CCDC178: variants seen among roughly 807,000 people sequenced by gnomAD.
CCDC178 encodes coiled-coil domain-containing protein 178.
A neutral mutation model predicts 117.4 loss-of-function variants in CCDC178; 126 were observed. That is an observed-to-expected ratio of 1.07 (90% CI 0.93 to 1.24). CCDC178 has a LOEUF of 1.24. Among genes scored for constraint, CCDC178 ranks in the 50% most tolerant of loss-of-function variants. The pLI is 0.00. For synonymous variants in CCDC178, 283 were observed against 313.4 expected (o/e 0.90, Z 1.02); for missense variants, 1,030 against 986.9 (o/e 1.04, Z -0.59).
At chr18:33,042,778 T>C (rs2056572942) in intron 21 of CCDC178, among the ~76,000 whole-genome samples, 1 of 151,982 alleles carries the variant, frequency 6.6e-6, no homozygotes, top group Admixed American at 6.6e-5. Flanking sequence ...AAAATATTAC[T>C]AATTTTTGAA....
chr18:33,147,428 G>T (rs1598931625), intron 20 of CCDC178, among the ~76,000 whole-genome samples: 1 of 146,918 alleles, frequency 6.8e-6, no homozygotes, highest in East Asian at 2.0e-4. Context: ...GGGGGATTTG[G>T]CAGGGTCATA....
chr18:33,021,372 T>A lies in CCDC178; in HGVS notation c.2389-46691A>T, dbSNP rs142661692. Reference sequence around the variant, plus strand: ...TTTCATTGTTACTGACTCTTTCAGCTCCATATACAAATACTTGAGACTGCA... The same window carrying A: ...TTTCATTGTTACTGACTCTTTCAGCACCATATACAAATACTTGAGACTGCA... On this transcript the variant is annotated intron_variant, in intron 21 of 22. Transcript: ENST00000383096. Among the ~76,000 whole-genome samples, 477 of 152,258 alleles carry A rather than the reference T, an allele frequency of 3.1e-3. 5 individuals are homozygous for A. Among genetic ancestry groups the A allele is most frequent in the African/African-American group, 0.011 (448 of 41,550 alleles).
At chr18:33,311,922 C>T (rs2062349205) in intron 11 of CCDC178, among the ~76,000 whole-genome samples, 1 of 152,164 alleles carries the variant, frequency 6.6e-6, no homozygotes, top group Non-Finnish European at 1.5e-5. Flanking sequence ...AGACAAAAGA[C>T]AGCACCTTTA....
chr18:33,322,050 G>C lies in CCDC178; in HGVS notation c.1022+1441C>G, dbSNP rs145403484. On this transcript the variant is annotated intron_variant, in intron 11 of 22. Transcript: ENST00000383096. ...AAAGGTCAATTCCTAATGATAAGGA[G>C]GTTAATTGGTATCCCAGGAGGATAT... 9.9e-5 allele frequency among the ~76,000 whole-genome samples: 15 copies of C among 151,924 alleles called. No homozygotes were observed. The East Asian group carries it at 2.7e-3, about 27-fold the overall frequency.
chr18:33,354,031 T>C (rs927170546), intron 7 of CCDC178, among the ~76,000 whole-genome samples: 3 of 152,314 alleles, frequency 2.0e-5, no homozygotes, highest in Middle Eastern at 3.4e-3. Flanking sequence ...TCCTTTATTT[T>C]TGAGGATACT....
At chr18:33,253,106 T>C (rs1377131654) in intron 14 of CCDC178, among the ~76,000 whole-genome samples, 5 of 151,830 alleles carry the variant, frequency 3.3e-5, no homozygotes, top group Admixed American at 3.3e-4. Flanking sequence ...TTCTAATGGA[T>C]GCTCATTGGT....
chr18:33,035,734 A>G (rs1307536148), intron 21 of CCDC178, among the ~76,000 whole-genome samples: 3 of 151,992 alleles, frequency 2.0e-5, no homozygotes, highest in African/African-American at 4.8e-5. Context: ...TGATTGTGGT[A>G]ATCATTACAT....
chr18:33,323,368 TATGA>T (rs1278343279), intron 11 of CCDC178, 119 bp downstream of exon 11: 2 of 485,950 alleles, frequency 4.1e-6, no homozygotes, highest in African/African-American at 4.0e-5. Context: ...ATAAGACAGG[TATGA>T]ATAATTTAAA....
At chr18:33,164,243 G>A (rs540875600) in intron 20 of CCDC178, among the ~76,000 whole-genome samples, 1 of 151,526 alleles carries the variant, frequency 6.6e-6, no homozygotes, top group Non-Finnish European at 1.5e-5. Flanking sequence ...GGGATTACAG[G>A]TGCACGCCAC....
intron 21 of CCDC178, among the ~76,000 whole-genome samples, chr18:33,032,142 C>T (rs1162625774): frequency 6.6e-6 from 1 of 152,106 alleles, no homozygotes; most frequent in Non-Finnish European, 1.5e-5. Flanking sequence ...GGTGCTAGTG[C>T]TCCATTTACT....
intron 12 of CCDC178, among the ~76,000 whole-genome samples, chr18:33,284,175 G>T (rs1236185190): frequency 6.6e-6 from 1 of 152,196 alleles, no homozygotes; most frequent in Non-Finnish European, 1.5e-5. Context: ...AATGCCGCAT[G>T]TTCTCATTTA....
chr18:33,054,624 G>A (rs546404964), intron 21 of CCDC178, among the ~76,000 whole-genome samples: 38 of 152,316 alleles, frequency 2.5e-4, no homozygotes, highest in Middle Eastern at 3.4e-3. Context: ...TGGCTGCATA[G>A]CATTCCATGG....
At chr18:32,953,927 A>G (rs1013588923) in intron 22 of CCDC178, 2 of 152,184 alleles carry the variant, frequency 1.3e-5, no homozygotes, top group East Asian at 3.9e-4. Context: ...CCTTTCACAT[A>G]TATCTCATGA....
At chr18:32,996,626 T>C (rs1277287306) in intron 21 of CCDC178, among the ~76,000 whole-genome samples, 1 of 152,034 alleles carries the variant, frequency 6.6e-6, no homozygotes, top group African/African-American at 2.4e-5. Flanking sequence ...TGTTAAAATA[T>C]GATTTAAAGA....
At chr18:33,319,840 T>G (rs2062478357) in intron 11 of CCDC178, among the ~76,000 whole-genome samples, 1 of 152,230 alleles carries the variant, frequency 6.6e-6, no homozygotes, top group Admixed American at 6.5e-5. Flanking sequence ...ATGTCTTCTT[T>G]TGAGAAGTGT....
chr18:33,361,164 TAG>T (rs1233603188), intron 6 of CCDC178, among the ~76,000 whole-genome samples: 5 of 151,544 alleles, frequency 3.3e-5, no homozygotes, highest in Admixed American at 6.6e-5. Flanking sequence ...TGGAATAGAA[TAG>T]AGAGTCCAGA....
chr18:33,048,360 C>G (rs1167050769), intron 21 of CCDC178, among the ~76,000 whole-genome samples: 53 of 152,130 alleles, frequency 3.5e-4, no homozygotes, highest in Non-Finnish European at 7.8e-4. Flanking sequence ...AACTCAGTTT[C>G]CTGGTAGTAA....
intron 21 of CCDC178, among the ~76,000 whole-genome samples, chr18:33,081,854 T>C (rs966655460): frequency 6.6e-6 from 1 of 152,190 alleles, no homozygotes; most frequent in African/African-American, 2.4e-5. Context: ...TGATTTACTA[T>C]GATGGAAAAG....
intron 20 of CCDC178, among the ~76,000 whole-genome samples, chr18:33,160,062 A>C (rs2058444208): frequency 6.6e-6 from 1 of 152,110 alleles, no homozygotes; most frequent in Non-Finnish European, 1.5e-5. Context: ...ACAAAGCCCA[A>C]AGAAATAATT....
Sources: gnomAD v4.1 joint callset for allele counts (sites outside exome capture counted in the v4.1 genomes callset) on GRCh38, gnomAD v4.1.1 for gene constraint, MANE v1.5 for transcripts, NCBI Gene and HGNC (gene_info 2026-07-23, HGNC 2026-07-21) for gene names.